ST6GALNAC3: variants seen among roughly 807,000 people sequenced by gnomAD.
ST6GALNAC3 encodes the protein alpha-N-acetylgalactosaminide alpha-2,6-sialyltransferase 3.
Under a neutral mutation model 32.7 loss-of-function variants are expected in ST6GALNAC3, and 25 were observed. The observed-to-expected ratio is 0.76, with a 90% CI of 0.56 to 1.07. The LOEUF (loss-of-function observed/expected upper bound fraction) is 1.07. ST6GALNAC3 is among the 50% of genes least tolerant of loss of function. ST6GALNAC3 has a pLI of 0.00. For synonymous variants in ST6GALNAC3, 129 were observed against 133.1 expected, an observed-to-expected ratio of 0.97 and a Z score of 0.21; for missense variants, 355 against 382.4, an observed-to-expected ratio of 0.93 and a Z score of 0.60.
chr1:76,491,452 C>T (rs1660493658), intron 3 of ST6GALNAC3, among the ~76,000 whole-genome samples: 2 of 152,124 alleles, frequency 1.3e-5, no homozygotes, highest in Non-Finnish European at 2.9e-5. Context: ...CTTCCACAGT[C>T]TCTAGGAATT....
At chr1:76,521,165 A>G (rs1662508486) in intron 3 of ST6GALNAC3, among the ~76,000 whole-genome samples, 1 of 152,002 alleles carries the variant, frequency 6.6e-6, no homozygotes, top group Admixed American at 6.6e-5. Context: ...TAAGGATACA[A>G]CCTTATAACA....
chr1:76,313,653 T>G, intron 1 of ST6GALNAC3, 152 bp from the exon 2 acceptor site: 1 of 909,276 alleles, frequency 1.1e-6, no homozygotes, highest in Non-Finnish European at 1.8e-6. Flanking sequence ...GGTCACCAAA[T>G]AATTATTTTC....
rs574630349 is a variant in ST6GALNAC3 at position 76,634,143 on chromosome 1, T to C, written c.*5337T>C. ...TTCTCCACAGATACATCTCTTTTTG[T>C]TCACGCCTTGAAGACTTCAGAAAAA... On this transcript the variant is annotated 3_prime_UTR_variant, in exon 5 of 5. Transcript: ENST00000328299. The C allele has an allele frequency of 1.0e-6, 1 of 985,256 alleles. No individual in the cohort carries two copies. The highest frequency in any genetic ancestry group is 1.1e-4 in the East Asian group (1 of 8,810). The allele number at this position is 985,256 out of a possible 1,614,324, so 61.0% of individuals were successfully genotyped here.
In ST6GALNAC3 at chr1:76,207,780, C is replaced by G. The variant is rs545729833; in HGVS notation, c.19-106025C>G. On this transcript the variant is annotated intron_variant, in intron 1 of 4. Coordinates refer to ENST00000328299, the MANE Select transcript of ST6GALNAC3 (RefSeq NM_152996.4). The stretch of plus-strand genomic sequence containing the variant: ...CCATACCAGGTGGTTACCCACAACC[C>G]CCATTCAAATTGATGGTAAATAATG... 3.2e-4 allele frequency among the ~76,000 whole-genome samples: 48 copies of G among 152,332 alleles called. No individual in the cohort carries two copies. In the South Asian group the frequency reaches 9.7e-3, roughly 31 times the overall value.
chr1:76,404,795 G>T (rs1294211995), intron 2 of ST6GALNAC3, among the ~76,000 whole-genome samples: 1 of 152,048 alleles, frequency 6.6e-6, no homozygotes, highest in Non-Finnish European at 1.5e-5. Flanking sequence ...GTTGCTAATT[G>T]TTCTGTAAAG....
intron 1 of ST6GALNAC3, among the ~76,000 whole-genome samples, chr1:76,095,866 G>A (rs1400924257): frequency 1.3e-5 from 2 of 152,140 alleles, no homozygotes; most frequent in African/African-American, 2.4e-5. Context: ...GAAATTGAAT[G>A]TCTTGTAAAC....
chr1:76,603,479 C>A (rs1647334673), intron 3 of ST6GALNAC3, among the ~76,000 whole-genome samples: 1 of 152,122 alleles, frequency 6.6e-6, no homozygotes. Flanking sequence ...GGAATACATA[C>A]AAAATGATGC....
At chr1:76,387,160 G>A (rs887302890) in intron 2 of ST6GALNAC3, among the ~76,000 whole-genome samples, 2 of 152,146 alleles carry the variant, frequency 1.3e-5, no homozygotes, top group African/African-American at 4.8e-5. Context: ...GTTTCCTTGA[G>A]AAATCTTTAA....
At chr1:76,096,317 A>G (rs539741550) in intron 1 of ST6GALNAC3, among the ~76,000 whole-genome samples, 18 of 152,306 alleles carry the variant, frequency 1.2e-4, no homozygotes, top group South Asian at 4.1e-4. Flanking sequence ...CCTCTTAAGA[A>G]AAAAAACAAT....
At chr1:76,349,810 C>T (rs1342147446) in intron 2 of ST6GALNAC3, among the ~76,000 whole-genome samples, 1 of 152,150 alleles carries the variant, frequency 6.6e-6, no homozygotes, top group East Asian at 1.9e-4. Flanking sequence ...TGTTGTTTCT[C>T]TTTCTAGGTT....
intron 3 of ST6GALNAC3, among the ~76,000 whole-genome samples, chr1:76,536,864 T>G (rs1663642370): frequency 6.6e-6 from 1 of 152,098 alleles, no homozygotes; most frequent in Admixed American, 6.6e-5. Flanking sequence ...ACAAAGAGAC[T>G]TAGACTCCCA....
intron 1 of ST6GALNAC3, among the ~76,000 whole-genome samples, chr1:76,079,443 A>C (rs574738674): frequency 7.2e-5 from 11 of 152,336 alleles, no homozygotes; most frequent in African/African-American, 1.9e-4. Flanking sequence ...ATTTTTAAAA[A>C]ATATAGGTGA....
chr1:76,314,064 C>T, intron 2 of ST6GALNAC3, 65 bp downstream of exon 2: 1 of 1,494,510 alleles, frequency 6.7e-7, no homozygotes, highest in Non-Finnish European at 9.0e-7. Flanking sequence ...TCTTTAGGAG[C>T]CAGAGGGCTT....
chr1:76,272,110 G>A (rs1250200848), intron 1 of ST6GALNAC3, among the ~76,000 whole-genome samples: 1 of 151,932 alleles, frequency 6.6e-6, no homozygotes, highest in Non-Finnish European at 1.5e-5. Flanking sequence ...GGTGGATCAT[G>A]AGGTCAAGAG....
At chr1:76,606,477 A>C (rs138316864) in intron 3 of ST6GALNAC3, among the ~76,000 whole-genome samples, 56 of 152,266 alleles carry the variant, frequency 3.7e-4, no homozygotes, top group African/African-American at 1.3e-3. Context: ...AGAAAAGCAA[A>C]TACCACATGT....
rs1024641334 is a variant in ST6GALNAC3 at position 76,412,566 on chromosome 1, C to G, written c.623+149C>G. The G allele has an allele frequency of 9.2e-5, 81 of 879,944 alleles. No homozygotes were observed. In the South Asian group the frequency reaches 9.4e-4, roughly 10 times the overall value. The allele number at this position is 879,944 out of a possible 1,614,324, so 54.5% of individuals were successfully genotyped here. On this transcript the variant is annotated intron_variant, in intron 3 of 4. Coordinates refer to ENST00000328299, the MANE Select transcript of ST6GALNAC3 (RefSeq NM_152996.4). ...CTATTATGATTACTTGATAAGCCAGCCTGAGGTCTCATTTATTCCACCTAT... is the reference window on the plus strand; with the variant it reads ...CTATTATGATTACTTGATAAGCCAGGCTGAGGTCTCATTTATTCCACCTAT...
intron 2 of ST6GALNAC3, among the ~76,000 whole-genome samples, chr1:76,398,559 G>A (rs1033472574): frequency 9.9e-5 from 15 of 152,062 alleles, no homozygotes; most frequent in Admixed American, 9.8e-4. Flanking sequence ...TGAATATAAT[G>A]TTTTTTATAT....
At chr1:76,110,961 T>C (rs1227573007) in intron 1 of ST6GALNAC3, among the ~76,000 whole-genome samples, 1 of 151,662 alleles carries the variant, frequency 6.6e-6, no homozygotes, top group Admixed American at 6.6e-5. Flanking sequence ...TATGCAGAGG[T>C]AGAAAAGAAA....
intron 1 of ST6GALNAC3, among the ~76,000 whole-genome samples, chr1:76,251,971 G>T (rs1400783184): frequency 6.6e-6 from 1 of 152,142 alleles, no homozygotes; most frequent in East Asian, 1.9e-4. Flanking sequence ...CCATCTAAAG[G>T]CAAACATGCT....
Sources: gnomAD v4.1 joint callset for allele counts (sites outside exome capture counted in the v4.1 genomes callset) on GRCh38, gnomAD v4.1.1 for gene constraint, MANE v1.5 for transcripts, NCBI Gene and HGNC (gene_info 2026-07-23, HGNC 2026-07-21) for gene names.